NOX4: variants seen among roughly 807,000 people sequenced by gnomAD.
NOX4 encodes NADPH oxidase 4.
A neutral mutation model predicts 87.6 loss-of-function variants in NOX4; 69 were observed. That is an observed-to-expected ratio of 0.79 (90% CI 0.65 to 0.96). The LOEUF (loss-of-function observed/expected upper bound fraction) is 0.96. NOX4 is among the 40% of genes least tolerant of loss of function. NOX4 has a pLI of 0.00. For synonymous variants in NOX4, 275 were observed against 238.2 expected, an observed-to-expected ratio of 1.15 and a Z score of -1.42; for missense variants, 680 against 681.5, an observed-to-expected ratio of 1.00 and a Z score of 0.02.
intron 13 of NOX4, among the ~76,000 whole-genome samples, chr11:89,345,904 T>C (rs1565181478): frequency 1.3e-5 from 2 of 152,180 alleles, no homozygotes; most frequent in South Asian, 2.1e-4. Flanking sequence ...GGATGCCCAC[T>C]CTCACCACTC....
intron 6 of NOX4, among the ~76,000 whole-genome samples, chr11:89,439,351 T>C (rs1270875735): frequency 6.6e-6 from 1 of 151,962 alleles, no homozygotes; most frequent in Non-Finnish European, 1.5e-5. Flanking sequence ...ATGAGCAAAG[T>C]TGAAAGCAAA....
At chr11:89,438,832 AT>A (rs1944278346) in intron 6 of NOX4, among the ~76,000 whole-genome samples, 1 of 40,368 alleles carries the variant, frequency 2.5e-5, no homozygotes, top group South Asian at 8.0e-4. Context: ...ATAATATCTT[AT>A]ATATTATATA....
chr11:89,358,507 A>G (rs2134992511), intron 12 of NOX4, among the ~76,000 whole-genome samples: 1 of 151,464 alleles, frequency 6.6e-6, no homozygotes, highest in Non-Finnish European at 1.5e-5. Context: ...TTATCATTAT[A>G]TTAATAAATT....
the NOX4 span, among the ~76,000 whole-genome samples, chr11:89,503,602 G>A: frequency 6.6e-6 from 1 of 151,642 alleles, no homozygotes; most frequent in Admixed American, 6.6e-5. Flanking sequence ...ATTGGACAGG[G>A]CAGTGAATTC....
the NOX4 span, among the ~76,000 whole-genome samples, chr11:89,522,087 T>C: frequency 6.6e-6 from 1 of 152,188 alleles, no homozygotes; most frequent in South Asian, 2.1e-4. Flanking sequence ...GGAATGTCAA[T>C]TTGTTCAGCC....
In NOX4 at chr11:89,360,334, C is replaced by T. The variant is rs1938423678; in HGVS notation, c.1136-5291G>A. ...GAAAAGACACCGTTGCCAAGTAGAT[C>T]TTAAGTATTCTTACCACACACAACA... On this transcript the variant is annotated intron_variant, in intron 12 of 17. Transcript: ENST00000263317. Among the ~76,000 whole-genome samples, 7 of 152,050 alleles carry T rather than the reference C, an allele frequency of 4.6e-5. No homozygotes were observed. The South Asian group carries it at 1.2e-3, about 27-fold the overall frequency.
chr11:89,527,169 T>C, the NOX4 span, among the ~76,000 whole-genome samples: 4 of 152,156 alleles, frequency 2.6e-5, no homozygotes, highest in African/African-American at 9.7e-5. Flanking sequence ...ATTTAGGGTA[T>C]CTGGTGGAAG....
chr11:89,451,056 C>G (rs1391004364), intron 3 of NOX4, among the ~76,000 whole-genome samples: 1 of 124,824 alleles, frequency 8.0e-6, no homozygotes, highest in Admixed American at 1.0e-4. Flanking sequence ...CACACCAGGG[C>G]CTGTTGTGGG....
intron 11 of NOX4, among the ~76,000 whole-genome samples, chr11:89,383,539 C>T (rs922273177): frequency 6.6e-6 from 1 of 152,138 alleles, no homozygotes; most frequent in African/African-American, 2.4e-5. Flanking sequence ...GTAAGTCCAT[C>T]CCCTTCTTAA....
chr11:89,329,232 C>A (rs911440122), intron 17 of NOX4, among the ~76,000 whole-genome samples: 3 of 147,944 alleles, frequency 2.0e-5, no homozygotes, highest in Non-Finnish European at 4.5e-5. Context: ...AGATGGAATG[C>A]AATATTTGAA....
At chr11:89,569,870 C>T in the NOX4 span, among the ~76,000 whole-genome samples, 21 of 151,918 alleles carry the variant, frequency 1.4e-4, no homozygotes, top group Middle Eastern at 3.4e-3. Flanking sequence ...GGCGTGGTGG[C>T]GGGCGCCTGT....
the NOX4 span, among the ~76,000 whole-genome samples, chr11:89,579,644 TTAA>T: frequency 6.6e-6 from 1 of 151,578 alleles, no homozygotes; most frequent in Admixed American, 6.6e-5. Context: ...AGGACCTTAG[TTAA>T]TAATAATATA....
intron 2 of NOX4, among the ~76,000 whole-genome samples, chr11:89,456,174 T>C (rs1290514219): frequency 6.6e-6 from 1 of 152,152 alleles, no homozygotes; most frequent in Admixed American, 6.6e-5. Context: ...ATATCATGTG[T>C]ATTTTATACA....
intron 11 of NOX4, among the ~76,000 whole-genome samples, chr11:89,379,694 C>T (rs1316908069): frequency 3.9e-5 from 6 of 152,130 alleles, no homozygotes; most frequent in Admixed American, 6.6e-5. Context: ...TCCAGTTGCT[C>T]GGACCAAAAA....
At chr11:89,468,309 T>C (rs548165115) in intron 2 of NOX4, among the ~76,000 whole-genome samples, 10 of 152,328 alleles carry the variant, frequency 6.6e-5, no homozygotes, top group Admixed American at 2.0e-4. Flanking sequence ...TGGTATAATT[T>C]CCTAAATCAA....
At chr11:89,415,067 C>G (rs1213159357) in intron 8 of NOX4, among the ~76,000 whole-genome samples, 1 of 151,922 alleles carries the variant, frequency 6.6e-6, no homozygotes, top group African/African-American at 2.4e-5. Flanking sequence ...TGACTTTAGA[C>G]AGTTACTTAA....
chr11:89,399,432 AATATATATATATAT>A (rs1208007737), intron 11 of NOX4, among the ~76,000 whole-genome samples: 1,963 of 75,630 alleles, frequency 0.026, 81 homozygotes, highest in East Asian at 0.18. Flanking sequence ...CAAGAAATTA[AATATATATATATAT>A]ATATATATAT....
chr11:89,375,305 TTTGTTG>T (rs527557507), intron 11 of NOX4, among the ~76,000 whole-genome samples: 1 of 152,050 alleles, frequency 6.6e-6, no homozygotes, highest in Non-Finnish European at 1.5e-5. Flanking sequence ...CATTGTAACT[TTTGTTG>T]TTGTTGTTGT....
chr11:89,513,484 T>C, the NOX4 span, among the ~76,000 whole-genome samples: 1 of 151,980 alleles, frequency 6.6e-6, no homozygotes, highest in Non-Finnish European at 1.5e-5. Context: ...TGATATGCAA[T>C]AGAAATTAAG....
Sources: gnomAD v4.1 joint callset for allele counts (sites outside exome capture counted in the v4.1 genomes callset) on GRCh38, gnomAD v4.1.1 for gene constraint, MANE v1.5 for transcripts, NCBI Gene and HGNC (gene_info 2026-07-23, HGNC 2026-07-21) for gene names.